The following ASAH1 variants were observed in gnomAD, a reference collection of about 807,000 sequenced individuals.
ASAH1 encodes the protein N-acylsphingosine amidohydrolase 1.
ASAH1 carries 70 observed loss-of-function variants against 59.5 expected under a neutral mutation model. That is an observed-to-expected ratio of 1.18 (90% CI 0.97 to 1.43). ASAH1 has a LOEUF of 1.43. ASAH1 is among the 40% of genes most tolerant of loss of function. The pLI, the probability that ASAH1 is intolerant of heterozygous loss-of-function variation, is 0.00. For synonymous variants in ASAH1, 213 were observed against 166.5 expected, an observed-to-expected ratio of 1.28 and a Z score of -2.15; for missense variants, 660 against 482.5, an observed-to-expected ratio of 1.37 and a Z score of -3.45.
At position 18,064,546 on chromosome 8, in the gene ASAH1, A is replaced by G; in HGVS notation, c.383-15T>C. 1.4e-6 allele frequency: 2 copies of G among 1,427,240 alleles called. No individual in the cohort carries two copies. Among genetic ancestry groups the G allele is most frequent in the African/African-American group, 1.4e-5 (1 of 70,212 alleles). The allele number at this position is 1,427,240 out of a possible 1,614,324, so 88.4% of individuals were successfully genotyped here. ...AATAATCTCTCCTATGAGAAAAGAA[A>G]ATTTTGTGTTAATATACAGAACCAT... On this transcript the variant is annotated splice_polypyrimidine_tract_variant and intron_variant, in intron 5 of 13. Coordinates refer to ENST00000637790, the MANE Select transcript of ASAH1 (RefSeq NM_177924.5).
At chr8:18,072,795 A>G (rs1157088883) in intron 2 of ASAH1, among the ~76,000 whole-genome samples, 1 of 152,276 alleles carries the variant, frequency 6.6e-6, no homozygotes, top group South Asian at 2.1e-4. Context: ...TCAACTGTGC[A>G]TTTAGATTTC....
intron 1 of ASAH1, chr8:18,075,815 A>G (rs1234681101): frequency 3.5e-6 from 2 of 567,398 alleles, no homozygotes; most frequent in Middle Eastern, 4.9e-4. Flanking sequence ...GCTAGGTGTT[A>G]TAATTTGGCT....
chr8:18,075,376 T>G (rs1185650604), intron 2 of ASAH1, 165 bp downstream of exon 2: 1 of 779,558 alleles, frequency 1.3e-6, no homozygotes, highest in Non-Finnish European at 2.3e-6. Context: ...GTCCAAGATC[T>G]CAGCCAAATG....
Position 18,062,604 on chromosome 8 carries a change from G to A in ASAH1, c.504-181C>T, listed in dbSNP as rs1050276941. Reference sequence around the variant, plus strand: ...TTCCAAATGATAAAATTGAGGTTCAGAGAAGTCAGGTAACTCTCTCAATAT... The same window carrying A: ...TTCCAAATGATAAAATTGAGGTTCAAAGAAGTCAGGTAACTCTCTCAATAT... On this transcript the variant is annotated intron_variant, in intron 7 of 13. Coordinates refer to ENST00000637790, the MANE Select transcript of ASAH1 (RefSeq NM_177924.5). 5 of 671,338 alleles carry A rather than the reference G, an allele frequency of 7.4e-6. No individual in the cohort carries two copies. In the African/African-American group the frequency reaches 9.0e-5, roughly 12 times the overall value. The allele number at this position is 671,338 out of a possible 1,614,324, so 41.6% of individuals were successfully genotyped here.
chr8:18,063,171 T>C lies in ASAH1; in HGVS notation c.503+14A>G. On this transcript the variant is annotated intron_variant, in intron 7 of 13. Transcript: ENST00000637790. ...GCGTGAACCACCATGCCTGACCCTTTGTTCTTTACTTACCCAAGAAATACT... is the reference window on the plus strand; with the variant it reads ...GCGTGAACCACCATGCCTGACCCTTCGTTCTTTACTTACCCAAGAAATACT... 1 of 1,613,446 alleles carries C rather than the reference T, an allele frequency of 6.2e-7. No homozygotes were observed. The highest frequency in any genetic ancestry group is 8.5e-7 in the Non-Finnish European group (1 of 1,179,394).
At chr8:18,070,137 T>C (rs1312537973) in intron 3 of ASAH1, among the ~76,000 whole-genome samples, 2 of 149,676 alleles carry the variant, frequency 1.3e-5, no homozygotes, top group African/African-American at 2.4e-5. Context: ...TGCATCACCA[T>C]TCCCAGCTAA....
intron 2 of ASAH1, among the ~76,000 whole-genome samples, chr8:18,075,300 CT>C (rs1387117213): frequency 6.6e-6 from 1 of 152,118 alleles, no homozygotes. Context: ...GCTGAAAATC[CT>C]TTTCTTTCCG....
rs1348734237 is a variant in ASAH1 at position 18,061,098 on chromosome 8, G to C, written c.785+279C>G. ...GATTTTACTGTATGACTGTTCTTTT[G>C]TGTGTGGGTCATTTTTTTTCTGTAC... On this transcript the variant is annotated intron_variant, in intron 10 of 13. Transcript: ENST00000637790. The C allele has an allele frequency of 9.0e-6, 3 of 333,364 alleles. No homozygotes were observed. The East Asian group carries it at 2.1e-4, about 24-fold the overall frequency. The allele number at this position is 333,364 out of a possible 1,614,324, so 20.7% of individuals were successfully genotyped here.
chr8:18,079,953 G>C (rs929518404), intron 1 of ASAH1, among the ~76,000 whole-genome samples: 2 of 152,212 alleles, frequency 1.3e-5, no homozygotes, highest in Non-Finnish European at 2.9e-5. Flanking sequence ...AAAGGAATGT[G>C]AATAAACCCT....
intron 6 of ASAH1, chr8:18,063,627 T>G (rs1420988578): frequency 5.8e-6 from 1 of 172,326 alleles, no homozygotes; most frequent in Non-Finnish European, 1.2e-5. Flanking sequence ...CCTCTAATTT[T>G]GATTAATTTT....
At chr8:18,079,085 T>G (rs1390717035) in intron 1 of ASAH1, among the ~76,000 whole-genome samples, 1 of 151,936 alleles carries the variant, frequency 6.6e-6, no homozygotes, top group Non-Finnish European at 1.5e-5. Context: ...AAGACCAGCC[T>G]GGCCAACATG....
chr8:18,084,103 A>G lies in ASAH1; in HGVS notation c.-45T>C, dbSNP rs750566941. On this transcript the variant is annotated 5_prime_UTR_variant, in exon 1 of 14. Transcript: ENST00000637790. ...ACTCCCCGGACTCCAGCAGAGGCAA[A>G]GAAGAGCCGGCTGGGCCGGGGGCAG... The G allele has an allele frequency of 1.9e-6, 3 of 1,595,134 alleles. No individual in the cohort carries two copies. Among genetic ancestry groups the G allele is most frequent in the Non-Finnish European group, 2.5e-6 (3 of 1,178,368 alleles).
intron 12 of ASAH1, 138 bp downstream of exon 12, chr8:18,059,203 A>G: frequency 7.1e-7 from 1 of 1,406,770 alleles, no homozygotes; most frequent in Non-Finnish European, 9.8e-7. Context: ...ACGAAACAAA[A>G]AAATCAGTGG....
At chr8:18,076,333 A>C (rs1800403033) in intron 1 of ASAH1, 1 of 152,754 alleles carries the variant, frequency 6.5e-6, no homozygotes, top group Non-Finnish European at 1.5e-5. Flanking sequence ...ACTGCTTTAT[A>C]ATCATCTGTT....
At chr8:18,072,344 A>C (rs746363111) in intron 2 of ASAH1, among the ~76,000 whole-genome samples, 2 of 152,164 alleles carry the variant, frequency 1.3e-5, no homozygotes, top group Admixed American at 1.3e-4. Context: ...ATAGCTGGGG[A>C]TGGGTTATTA....
chr8:18,064,437 C>CGGGG lies in ASAH1; in HGVS notation c.457+19_457+20insCCCC. The CGGGG allele has an allele frequency of 4.1e-6, 6 of 1,470,494 alleles. No homozygotes were observed. Among genetic ancestry groups the CGGGG allele is most frequent in the Non-Finnish European group, 5.7e-6 (6 of 1,052,224 alleles). The allele number at this position is 1,470,494 out of a possible 1,614,324, so 91.1% of individuals were successfully genotyped here. A position where few individuals can be genotyped will look rare whatever the true frequency, so the allele number is the denominator to read the frequency against. On this transcript the variant is annotated intron_variant, in intron 6 of 13. Transcript: ENST00000637790. ...TATGTAGTGCTTCATGCTGCCCACC[C>CGGGG]TCCCTCAGCGCACAATTACCTTTTT...
intron 10 of ASAH1, chr8:18,060,107 T>TTTAGGG (rs1799629149): frequency 5.0e-6 from 1 of 199,762 alleles, no homozygotes; most frequent in African/African-American, 2.4e-5. Context: ...AACGGAAATG[T>TTTAGGG]TTAGCTCTGT....
Position 18,062,259 on chromosome 8 carries a change from T to G in ASAH1, c.648+20A>C, listed in dbSNP as rs374289481. 334 of 1,614,148 alleles carry G rather than the reference T, an allele frequency of 2.1e-4. 1 individual carries two copies. The African/African-American group carries it at 4.0e-3, about 19-fold the overall frequency. On this transcript the variant is annotated intron_variant, in intron 8 of 13. Transcript: ENST00000637790. The stretch of plus-strand genomic sequence containing the variant: ...GGACAGAAGGCTACCTGTATAATTA[T>G]GTAACAACAGACTCCTTACTGGTTT...
chr8:18,066,422 C>CAAAAAAAAAAAAAA (rs35999931), intron 5 of ASAH1: 1 of 127,338 alleles, frequency 7.9e-6, no homozygotes, highest in Non-Finnish European at 1.7e-5. Flanking sequence ...CAAAGAAAAC[C>CAAAAAAAAAAAAAA]AAAAAAAAAA....
Sources: gnomAD v4.1 joint callset for allele counts (sites outside exome capture counted in the v4.1 genomes callset) on GRCh38, gnomAD v4.1.1 for gene constraint, MANE v1.5 for transcripts, NCBI Gene and HGNC (gene_info 2026-07-23, HGNC 2026-07-21) for gene names.